Variants in NUP210L observed in about 807,000 individuals in gnomAD.
NUP210L encodes nuclear pore membrane glycoprotein 210-like.
A neutral mutation model predicts 208.5 loss-of-function variants in NUP210L; 74 were observed. The ratio of observed to expected loss-of-function variants is 0.35; its 90% CI spans 0.29 to 0.43. The LOEUF is 0.43. Among genes scored for constraint, NUP210L ranks in the 20% least tolerant of loss-of-function variants. NUP210L has a pLI of 1.00. For synonymous variants in NUP210L, 780 were observed against 816.9 expected (o/e 0.95, Z 0.77); for missense variants, 1,843 against 2,289.4 (o/e 0.81, Z 3.98).
rs765967733 is a variant in NUP210L at position 154,127,280 on chromosome 1, G to C, written c.1185+31C>G. The C allele has an allele frequency of 1.4e-5, 15 of 1,064,756 alleles. No homozygotes were observed. The South Asian group carries it at 2.0e-4, about 14-fold the overall frequency. The allele number at this position is 1,064,756 out of a possible 1,614,324, so 66.0% of individuals were successfully genotyped here. A position where few individuals can be genotyped will look rare whatever the true frequency, so the allele number is the denominator to read the frequency against. On this transcript the variant is annotated intron_variant, in intron 9 of 39. Coordinates refer to ENST00000368559, the Ensembl canonical transcript of NUP210L. ...ATCTTATGTATCTTATCCCTACAAG[G>C]AGCTCAGAAAAATAAAAAAGACTGA...
chr1:153,994,697 A>G (rs1269297671), intron 38 of NUP210L, among the ~76,000 whole-genome samples: 1 of 151,992 alleles, frequency 6.6e-6, no homozygotes, highest in Non-Finnish European at 1.5e-5. Flanking sequence ...ATAAGTGGCT[A>G]ATTTTCATCC....
chr1:154,058,841 T>G, intron 20 of NUP210L, 148 bp from the exon 21 acceptor site: 1 of 684,902 alleles, frequency 1.5e-6, no homozygotes, highest in Non-Finnish European at 2.4e-6. Flanking sequence ...TATTCAGGCA[T>G]AGCATAATAT....
chr1:154,068,359 G>A (rs1654520592), intron 17 of NUP210L, among the ~76,000 whole-genome samples: 1 of 152,110 alleles, frequency 6.6e-6, no homozygotes, highest in Admixed American at 6.6e-5. Context: ...AATAAATGGT[G>A]CTGGGAAAAC....
chr1:154,060,835 A>T, intron 19 of NUP210L, 107 bp downstream of exon 19: 1 of 808,556 alleles, frequency 1.2e-6, no homozygotes, highest in Non-Finnish European at 2.0e-6. Context: ...ACATATATGT[A>T]TCAATTATTT....
intron 6 of NUP210L, 110 bp downstream of exon 6, chr1:154,137,996 C>T: frequency 2.5e-6 from 2 of 798,472 alleles, no homozygotes; most frequent in Non-Finnish European, 3.7e-6. Flanking sequence ...CACTTTACCA[C>T]AAAATCTAAA....
chr1:154,014,333 C>T (rs537380278), intron 33 of NUP210L, among the ~76,000 whole-genome samples: 2 of 152,222 alleles, frequency 1.3e-5, no homozygotes, highest in African/African-American at 4.8e-5. Flanking sequence ...TTGGACTTCC[C>T]TGTAGCATCT....
intron 15 of NUP210L, among the ~76,000 whole-genome samples, chr1:154,091,507 T>C (rs1451527701): frequency 1.3e-5 from 2 of 149,668 alleles, no homozygotes; most frequent in Non-Finnish European, 1.5e-5. Flanking sequence ...TTTTCTTTTT[T>C]TTTTTTTTTT....
chr1:154,097,681 T>A (rs1656242149), intron 14 of NUP210L, among the ~76,000 whole-genome samples: 3 of 152,218 alleles, frequency 2.0e-5, no homozygotes, highest in African/African-American at 7.2e-5. Context: ...TTACTTTACT[T>A]CTTTCATTAG....
At chr1:154,039,470 AGAC>A (rs1190143030) in intron 27 of NUP210L, among the ~76,000 whole-genome samples, 1 of 152,134 alleles carries the variant, frequency 6.6e-6, no homozygotes, top group Non-Finnish European at 1.5e-5. Context: ...TCCTGACCTC[AGAC>A]AATCCACCTG....
chr1:154,108,467 CT>C (rs1656882464), intron 12 of NUP210L, among the ~76,000 whole-genome samples: 1 of 151,930 alleles, frequency 6.6e-6, no homozygotes, highest in African/African-American at 2.4e-5. Context: ...TGCAACCAGC[CT>C]AGAGTTTTGA....
intron 27 of NUP210L, among the ~76,000 whole-genome samples, chr1:154,039,125 T>A (rs568743788): frequency 6.6e-6 from 1 of 152,168 alleles, no homozygotes; most frequent in Non-Finnish European, 1.5e-5. Context: ...AGATGATTTC[T>A]TACTGCCCAT....
At chr1:154,105,915 G>A (rs149914281) in intron 12 of NUP210L, among the ~76,000 whole-genome samples, 282 of 152,254 alleles carry the variant, frequency 1.9e-3, no homozygotes, top group African/African-American at 6.4e-3. Flanking sequence ...CGGGTCTGGG[G>A]CAGTTGTGGC....
At chr1:154,146,065 C>A (rs1659095480) in intron 2 of NUP210L, among the ~76,000 whole-genome samples, 1 of 151,984 alleles carries the variant, frequency 6.6e-6, no homozygotes, top group Non-Finnish European at 1.5e-5. Flanking sequence ...TATAAAGAAC[C>A]AGGACTCCTT....
At chr1:153,994,650 A>G (rs1164650586) in intron 38 of NUP210L, among the ~76,000 whole-genome samples, 1 of 151,968 alleles carries the variant, frequency 6.6e-6, no homozygotes, top group African/African-American at 2.4e-5. Flanking sequence ...TAGGACTAGC[A>G]AGGCTTAGTT....
At chr1:154,000,002 G>A (rs1372337072) in intron 37 of NUP210L, among the ~76,000 whole-genome samples, 1 of 150,282 alleles carries the variant, frequency 6.7e-6, no homozygotes, top group Non-Finnish European at 1.5e-5. Flanking sequence ...TTTTTTTTTT[G>A]TACTTTTTTG....
At chr1:154,019,090 A>G (rs1207750585) in intron 32 of NUP210L, 21 bp from the exon 33 acceptor site, 2 of 1,613,186 alleles carry the variant, frequency 1.2e-6, no homozygotes, top group Non-Finnish European at 1.7e-6. Flanking sequence ...ACAAGAGAAA[A>G]CACTTGGCTG....
chr1:153,997,959 C>A (rs551768328), intron 37 of NUP210L, among the ~76,000 whole-genome samples: 1 of 151,932 alleles, frequency 6.6e-6, no homozygotes, highest in African/African-American at 2.4e-5. Context: ...CCACCCGGCT[C>A]GGCCATCCAA....
At chr1:154,117,741 C>T (rs769131844) in exon 12 of NUP210L, 6 of 1,457,938 alleles carry the variant, frequency 4.1e-6, no homozygotes, top group Non-Finnish European at 4.7e-6. Context: ...TTCTCCATAT[C>T]GAAAGGGATT....
chr1:154,009,230 T>C (rs748257136), intron 35 of NUP210L, among the ~76,000 whole-genome samples: 5 of 152,202 alleles, frequency 3.3e-5, no homozygotes, highest in East Asian at 1.9e-4. Flanking sequence ...ACATTTGATA[T>C]GAATCCTTTC....
Sources: allele counts gnomAD v4.1 joint callset (sites outside exome capture counted in the v4.1 genomes callset), GRCh38; gene constraint gnomAD v4.1.1; transcripts MANE v1.5; gene names NCBI Gene and HGNC (gene_info 2026-07-23, HGNC 2026-07-21).